The following RNF34 variants were observed in gnomAD, a reference collection of about 807,000 sequenced individuals.
RNF34 encodes the protein E3 ubiquitin-protein ligase RNF34.
Under a neutral mutation model 37.9 loss-of-function variants are expected in RNF34, and 12 were observed. The ratio of observed to expected loss-of-function variants is 0.32; its 90% CI spans 0.20 to 0.51. RNF34 has a LOEUF of 0.51. Among genes scored for constraint, RNF34 ranks in the 20% least tolerant of loss-of-function variants. The probability of loss-of-function intolerance (pLI) is 0.97; values close to 1 mark genes in which losing one functional copy is unlikely to be tolerated. For missense variants in RNF34, 362 were observed against 472.7 expected (o/e 0.77, Z 2.17); for synonymous variants, 155 against 177.2 (o/e 0.87, Z 1.00).
chr12:121,400,874 AGAAAAGG>A (rs1335132981), intron 1 of RNF34, among the ~76,000 whole-genome samples: 1 of 152,108 alleles, frequency 6.6e-6, no homozygotes, highest in African/African-American at 2.4e-5. Context: ...GAGAAGTTGA[AGAAAAGG>A]GGAAAGGGGA....
intron 1 of RNF34, among the ~76,000 whole-genome samples, chr12:121,406,950 G>A (rs1870601011): frequency 6.6e-6 from 1 of 152,050 alleles, no homozygotes; most frequent in Non-Finnish European, 1.5e-5. Context: ...GGGGGTACAC[G>A]TACAGACTTG....
In RNF34 at chr12:121,417,784, C is replaced by T. The variant is rs2137093782; in HGVS notation, c.506C>T (p.Ser169Phe). The change falls in exon 3 of 6, where the codon TCC becomes TTC. Residue 169 changes from serine (S) to phenylalanine (F), a missense_variant. Physicochemically the swap from Ser to Phe is radical, Grantham distance 155. Coordinates refer to ENST00000361234, the MANE Select transcript of RNF34 (RefSeq NM_025126.4). The surrounding 1 kb of genome is among the most constrained non-coding windows in gnomAD (Gnocchi z 5.0). ...MDTSSLNSSR[S>F]QTSSFFTRSF... is the part of the protein sequence containing the mutation. ...ACAAGCAGTCTGAATTCTTCAAGGTCCCAGACTTCTAGCTTTTTTACACGT... is the reference window on the plus strand; with the variant it reads ...ACAAGCAGTCTGAATTCTTCAAGGTTCCAGACTTCTAGCTTTTTTACACGT... 1.2e-6 allele frequency: 2 copies of T among 1,614,156 alleles called. No homozygotes were observed. Among genetic ancestry groups the T allele is most frequent in the Non-Finnish European group, 1.7e-6 (2 of 1,180,024 alleles).
At chr12:121,414,133 G>T (rs1274228161) in intron 1 of RNF34, among the ~76,000 whole-genome samples, 2 of 152,160 alleles carry the variant, frequency 1.3e-5, no homozygotes, top group Non-Finnish European at 2.9e-5. Flanking sequence ...TTAAGAGCTT[G>T]CTGGACAAAC....
chr12:121,415,777 AAAAC>A (rs1215788437), intron 1 of RNF34, among the ~76,000 whole-genome samples: 1 of 151,922 alleles, frequency 6.6e-6, no homozygotes, highest in Non-Finnish European at 1.5e-5. Flanking sequence ...TTTCAGATGA[AAAAC>A]AAAGAATTTT....
intron 1 of RNF34, among the ~76,000 whole-genome samples, chr12:121,406,443 C>T (rs139160366): frequency 0.02 from 3,072 of 151,820 alleles, 113 homozygotes; most frequent in African/African-American, 0.071. Context: ...CTTGCCACCA[C>T]GCCTGACTAA....
rs1199360352 is a variant in RNF34 at position 121,423,068 on chromosome 12, G to GT, written c.929-316dup. 6.6e-6 allele frequency among the ~76,000 whole-genome samples: 1 copy of GT among 152,182 alleles called. No homozygotes were observed. Among genetic ancestry groups the GT allele is most frequent in the African/African-American group, 2.4e-5 (1 of 41,442 alleles). On this transcript the variant is annotated intron_variant, in intron 5 of 5. Coordinates refer to ENST00000361234, the MANE Select transcript of RNF34 (RefSeq NM_025126.4). The surrounding 1 kb of genome is among the most constrained non-coding windows in gnomAD (Gnocchi z 4.3). ...GACCAGCTGAGGGTTTCTTTTTCTAGTTACAGAAGTAATATATCCCTATCA... is the reference window on the plus strand; with the variant it reads ...GACCAGCTGAGGGTTTCTTTTTCTAGTTTACAGAAGTAATATATCCCTATCA...
At chr12:121,407,603 G>A (rs1870668457) in intron 1 of RNF34, among the ~76,000 whole-genome samples, 1 of 152,256 alleles carries the variant, frequency 6.6e-6, no homozygotes, top group Non-Finnish European at 1.5e-5. Flanking sequence ...AATCTAGGAG[G>A]AAATGGAGTG....
At chr12:121,402,696 G>A in intron 1 of RNF34, 1 of 1,247,628 alleles carries the variant, frequency 8.0e-7, no homozygotes, top group Non-Finnish European at 1.1e-6. Context: ...CAAGGAGAAA[G>A]TAATCTACTG....
chr12:121,417,493 T>C lies in RNF34; in HGVS notation c.226-11T>C. 1 of 1,602,678 alleles carries C rather than the reference T, an allele frequency of 6.2e-7. No homozygotes were observed. The highest frequency in any genetic ancestry group is 1.1e-5 in the South Asian group (1 of 89,882). ...ATATCTTGCTGTCATCAAATGCTTT[T>C]CTTTCTTCAGCATGTTTGCTGTGAC... On this transcript the variant is annotated splice_polypyrimidine_tract_variant and intron_variant, in intron 2 of 5. Coordinates refer to ENST00000361234, the MANE Select transcript of RNF34 (RefSeq NM_025126.4). This position sits in a 1 kb window ranked among gnomAD's most constrained non-coding sequence, Gnocchi z 5.0.
rs775149559 is a variant in RNF34, at chr12:121,423,275, T to C, written c.929-111T>C. 5.5e-6 allele frequency: 4 copies of C among 720,912 alleles called. No individual in the cohort carries two copies. Among genetic ancestry groups the C allele is most frequent in the African/African-American group, 1.8e-5 (1 of 56,156 alleles). 44.7% of individuals were successfully genotyped at this position (720,912 alleles called of 1,614,324 possible). On this transcript the variant is annotated intron_variant, in intron 5 of 5. Transcript: ENST00000361234. This position sits in a 1 kb window ranked among gnomAD's most constrained non-coding sequence, Gnocchi z 4.3. Reference sequence around the variant, plus strand: ...TTTCTTGTACAACACTGGGGTGGCATTGGGCCTGCAGGGGTCATTCAGCAG... The same window carrying C: ...TTTCTTGTACAACACTGGGGTGGCACTGGGCCTGCAGGGGTCATTCAGCAG...
intron 1 of RNF34, among the ~76,000 whole-genome samples, chr12:121,407,037 A>G (rs1423051269): frequency 2.6e-5 from 4 of 152,154 alleles, no homozygotes; most frequent in African/African-American, 7.2e-5. Flanking sequence ...ACAGTACCCA[A>G]CAGTTAGTTT....
At chr12:121,400,747 G>A (rs1224722040) in intron 1 of RNF34, among the ~76,000 whole-genome samples, 1 of 152,172 alleles carries the variant, frequency 6.6e-6, no homozygotes, top group Admixed American at 6.5e-5. Flanking sequence ...GCTGCACGTC[G>A]GGGCCGCGAA....
intron 1 of RNF34, among the ~76,000 whole-genome samples, chr12:121,402,574 A>G (rs1870101368): frequency 6.6e-6 from 1 of 152,106 alleles, no homozygotes; most frequent in African/African-American, 2.4e-5. Flanking sequence ...AAAAATCCAA[A>G]TTGGTGCCCT....
Position 121,423,615 on chromosome 12 carries a change from G to C in RNF34, c.*39G>C. The C allele has an allele frequency of 1.3e-6, 2 of 1,562,760 alleles. No homozygotes were observed. Among genetic ancestry groups the C allele is most frequent in the Non-Finnish European group, 1.8e-6 (2 of 1,140,046 alleles). On this transcript the variant is annotated 3_prime_UTR_variant, in exon 6 of 6. Coordinates refer to ENST00000361234, the MANE Select transcript of RNF34 (RefSeq NM_025126.4). The surrounding 1 kb of genome is among the most constrained non-coding windows in gnomAD (Gnocchi z 4.3). ...CACCAGGACAGTCACCCCCAAACTT[G>C]ACCCCCAACATTTCAATGCACAGAA...
chr12:121,409,130 C>T (rs1158237455), intron 1 of RNF34, among the ~76,000 whole-genome samples: 1 of 152,140 alleles, frequency 6.6e-6, no homozygotes, highest in Non-Finnish European at 1.5e-5. Context: ...CAGGCGTGCA[C>T]CACCATGCCC....
chr12:121,421,985 T>C (rs1316812709), intron 5 of RNF34, among the ~76,000 whole-genome samples: 4 of 152,194 alleles, frequency 2.6e-5, no homozygotes, highest in Non-Finnish European at 5.9e-5. Flanking sequence ...GTCACAGTGG[T>C]AGATGCAGGA....
At chr12:121,418,131 A>G (rs930752695) in intron 3 of RNF34, 10 of 554,874 alleles carry the variant, frequency 1.8e-5, no homozygotes, top group Admixed American at 1.0e-4. Flanking sequence ...AGGGTCCCAA[A>G]ATAGCTCATC....
chr12:121,417,355 T>C lies in RNF34; in HGVS notation c.226-149T>C. 1.5e-6 allele frequency: 1 copy of C among 676,818 alleles called. No individual in the cohort carries two copies. The highest frequency in any genetic ancestry group is 2.7e-5 in the East Asian group (1 of 36,518). 41.9% of individuals were successfully genotyped at this position (676,818 alleles called of 1,614,324 possible). On this transcript the variant is annotated intron_variant, in intron 2 of 5. Transcript: ENST00000361234. The surrounding 1 kb of genome is among the most constrained non-coding windows in gnomAD (Gnocchi z 5.0). ...TGAATATTTTGATTTTCATGGCTTT[T>C]GAAACATGAAAATACCTCTGGAAAT...
In RNF34 at chr12:121,420,298, G is replaced by C. The variant is rs782167758; in HGVS notation, c.690G>C (p.Glu230Asp). The C allele has an allele frequency of 5.7e-6, 9 of 1,584,840 alleles. No homozygotes were observed. The highest frequency in any genetic ancestry group is 6.9e-6 in the Non-Finnish European group (8 of 1,163,054). Residue 230 changes from glutamate to aspartate, a missense_variant, in exon 4 of 6, where the codon GAG becomes GAC. By Grantham distance (45) the Glu-to-Asp change is conservative. Transcript: ENST00000361234. ...NTEDDDDDDDEDDDDEEENAE... is the reference protein window; with the variant it reads ...NTEDDDDDDDDDDDDEEENAE... ...AAGATGATGATGACGACGATGATGA[G>C]GATGATGATGATGAAGAAGAAAACG...
Sources: gnomAD v4.1 joint callset for allele counts (sites outside exome capture counted in the v4.1 genomes callset) on GRCh38, gnomAD v4.1.1 for gene constraint, Gnocchi (gnomAD v3.1) non-coding constraint, MANE v1.5 for transcripts, NCBI Gene and HGNC (gene_info 2026-07-23, HGNC 2026-07-21) for gene names.